The following XRN1 variants were observed in gnomAD, a reference collection of about 807,000 sequenced individuals.
XRN1 encodes 5'-3' exoribonuclease 1.
XRN1 carries 67 observed loss-of-function variants against 222.3 expected under a neutral mutation model. That is an observed-to-expected ratio of 0.30 (90% confidence interval 0.25 to 0.37). The LOEUF is 0.37. Among genes scored for constraint, XRN1 ranks in the 10% least tolerant of loss-of-function variants. The pLI is 1.00. For synonymous variants in XRN1, 643 were observed against 652.4 expected (o/e 0.99, Z 0.22); for missense variants, 1,707 against 2,000.2 (o/e 0.85, Z 2.80).
chr3:142,397,153 G>GT (rs1483133254), intron 20 of XRN1, among the ~76,000 whole-genome samples, 176 bp downstream of exon 20: 1 of 152,134 alleles, frequency 6.6e-6, no homozygotes, highest in Non-Finnish European at 1.5e-5. Flanking sequence ...GGGCAAGGCT[G>GT]TAACTACTGC....
chr3:142,411,616 T>C (rs1018777902), intron 15 of XRN1, among the ~76,000 whole-genome samples: 3 of 152,044 alleles, frequency 2.0e-5, no homozygotes, highest in African/African-American at 7.2e-5. Context: ...TCAGCTCCCA[T>C]TATGATGTAT....
intron 8 of XRN1, 92 bp downstream of exon 8, chr3:142,422,490 T>G: frequency 7.6e-7 from 1 of 1,307,228 alleles, no homozygotes; most frequent in Non-Finnish European, 1.1e-6. Context: ...TGCTTTAGCG[T>G]GCATGCAATA....
intron 1 of XRN1, among the ~76,000 whole-genome samples, chr3:142,436,709 A>G (rs923144866): frequency 2.0e-5 from 3 of 152,218 alleles, no homozygotes; most frequent in African/African-American, 7.2e-5. Context: ...TATGAAATAG[A>G]TTCATATTTG....
chr3:142,331,667 T>C (rs952716653), intron 36 of XRN1, among the ~76,000 whole-genome samples: 7 of 152,230 alleles, frequency 4.6e-5, no homozygotes, highest in East Asian at 1.9e-4. Context: ...GTGCAAACTT[T>C]TAAAGGTTTG....
Position 142,311,610 on chromosome 3 carries a change from G to T in XRN1, c.4986C>A (p.Gly1662=), listed in dbSNP as rs1423657828. The T allele has an allele frequency of 6.2e-7, 1 of 1,614,064 alleles. No homozygotes were observed. Among genetic ancestry groups the T allele is most frequent in the East Asian group, 2.2e-5 (1 of 44,874 alleles). Residue 1662 remains glycine (G), a synonymous_variant, in exon 41 of 41, where the codon GGC becomes GGA. Coordinates refer to ENST00000392981, the MANE Select transcript of XRN1 (RefSeq NM_001282857.2). ...SSFQVETASQ[G]HSISHHKSTP... The stretch of plus-strand genomic sequence containing the variant: ...TTGACTTATGGTGAGATATACTATG[G>T]CCTTGAGAGGCAGTTTCAACTTGAA...
Position 142,425,561 on chromosome 3 carries a change from G to A in XRN1, c.407-23C>T, listed in dbSNP as rs1214097450. On this transcript the variant is annotated intron_variant, in intron 3 of 40. Coordinates refer to ENST00000392981, the MANE Select transcript of XRN1 (RefSeq NM_001282857.2). ...TTCCTAAAAATAATGTTTTAAAAAG[G>A]TTAATCTAAGAAAGACATAAAAACA... 3 of 1,570,536 alleles carry A rather than the reference G, an allele frequency of 1.9e-6. No homozygotes were observed. The Admixed American group carries it at 5.2e-5, about 27-fold the overall frequency.
intron 36 of XRN1, among the ~76,000 whole-genome samples, 163 bp from the exon 37 acceptor site, chr3:142,329,778 G>C (rs908700630): frequency 6.6e-6 from 1 of 152,194 alleles, no homozygotes; most frequent in Non-Finnish European, 1.5e-5. Flanking sequence ...GATTTCAGGT[G>C]GCTCTAGTTC....
At chr3:142,442,206 A>C (rs2070249694) in intron 1 of XRN1, among the ~76,000 whole-genome samples, 1 of 152,196 alleles carries the variant, frequency 6.6e-6, no homozygotes, top group African/African-American at 2.4e-5. Flanking sequence ...CTAACTTTGG[A>C]GGGAACACCT....
chr3:142,343,589 C>T (rs1245450061), intron 33 of XRN1, among the ~76,000 whole-genome samples: 2 of 151,988 alleles, frequency 1.3e-5, no homozygotes, highest in Non-Finnish European at 2.9e-5. Flanking sequence ...GTAACAAACG[C>T]TGGTGAGGAT....
intron 9 of XRN1, 49 bp downstream of exon 9, chr3:142,421,427 C>A: frequency 1.4e-6 from 2 of 1,447,818 alleles, no homozygotes; most frequent in South Asian, 1.3e-5. Context: ...GGTGACTGAT[C>A]ATTTACAGCT....
intron 23 of XRN1, among the ~76,000 whole-genome samples, chr3:142,377,868 T>C (rs934296253): frequency 1.2e-4 from 18 of 152,188 alleles, no homozygotes; most frequent in African/African-American, 4.1e-4. Context: ...TGATTCCCAG[T>C]ACAAAGCTCC....
chr3:142,333,163 A>G lies in XRN1; in HGVS notation c.3940-74T>C, dbSNP rs1039322706. 2.7e-6 allele frequency: 4 copies of G among 1,484,074 alleles called. No individual in the cohort carries two copies. In the South Asian group the frequency reaches 5.6e-5, roughly 21 times the overall value. The allele number at this position is 1,484,074 out of a possible 1,614,324, so 91.9% of individuals were successfully genotyped here. A position where few individuals can be genotyped will look rare whatever the true frequency, so the allele number is the denominator to read the frequency against. On this transcript the variant is annotated intron_variant, in intron 34 of 40. Transcript: ENST00000392981. ...ACACACAAAAAGCTGAGTTTTATGT[A>G]CAAAAATGGTCATTCGATTTTCACT...
rs1317085425 is a variant in XRN1 at position 142,432,657 on chromosome 3, T to C, written c.308+4A>G. 1 of 1,565,856 alleles carries C rather than the reference T, an allele frequency of 6.4e-7. No homozygotes were observed. The highest frequency in any genetic ancestry group is 8.7e-7 in the Non-Finnish European group (1 of 1,154,952). On this transcript the variant is annotated splice_donor_region_variant and intron_variant, in intron 2 of 40. Coordinates refer to ENST00000392981, the MANE Select transcript of XRN1 (RefSeq NM_001282857.2). ...TATTCCAAAATAAAACATAAATGTTTTACCTAAAACGCCTCCCACGCTGCT... is the reference window on the plus strand; with the variant it reads ...TATTCCAAAATAAAACATAAATGTTCTACCTAAAACGCCTCCCACGCTGCT...
chr3:142,324,901 G>C (rs966167597), intron 37 of XRN1, among the ~76,000 whole-genome samples: 3 of 152,066 alleles, frequency 2.0e-5, no homozygotes, highest in Non-Finnish European at 4.4e-5. Flanking sequence ...CTTCTTTTGA[G>C]AAGTGTATAT....
intron 10 of XRN1, among the ~76,000 whole-genome samples, chr3:142,419,903 AT>A (rs1266566601): frequency 6.6e-6 from 1 of 152,106 alleles, no homozygotes; most frequent in Admixed American, 6.5e-5. Flanking sequence ...AACACAAGAC[AT>A]TCTTTGGAGA....
At chr3:142,317,224 C>G (rs371811239) in intron 39 of XRN1, among the ~76,000 whole-genome samples, 1 of 152,086 alleles carries the variant, frequency 6.6e-6, no homozygotes, top group Admixed American at 6.6e-5. Flanking sequence ...AGATGCATAT[C>G]GTTTTGTTTT....
chr3:142,352,170 A>G (rs1488657971), intron 32 of XRN1, among the ~76,000 whole-genome samples: 1 of 152,170 alleles, frequency 6.6e-6, no homozygotes, highest in African/African-American at 2.4e-5. Context: ...TTTCACATAT[A>G]GTCCTTCTTA....
intron 25 of XRN1, among the ~76,000 whole-genome samples, chr3:142,372,911 G>A (rs980845927): frequency 6.6e-6 from 1 of 152,206 alleles, no homozygotes; most frequent in Non-Finnish European, 1.5e-5. Flanking sequence ...GTCCTCTGTA[G>A]AAACAGGAAA....
chr3:142,319,828 A>AG lies in XRN1; in HGVS notation c.4405-926dup, dbSNP rs997548409. On this transcript the variant is annotated intron_variant, in intron 37 of 40. Transcript: ENST00000392981. ...CCCCAGTTCCATTAATGTTGCTACA[A>AG]GATACGTGATTTCATTCTTTTTATG... 4.7e-4 allele frequency among the ~76,000 whole-genome samples: 72 copies of AG among 152,284 alleles called. 1 individual carries two copies. Among genetic ancestry groups the AG allele is most frequent in the Non-Finnish European group, 9.0e-4 (61 of 68,018 alleles).
Sources: gnomAD v4.1 joint callset for allele counts (sites outside exome capture counted in the v4.1 genomes callset) on GRCh38, gnomAD v4.1.1 for gene constraint, MANE v1.5 for transcripts, NCBI Gene and HGNC (gene_info 2026-07-23, HGNC 2026-07-21) for gene names.